SLC1A7: variants seen among roughly 807,000 people sequenced by gnomAD.
The protein encoded by SLC1A7 is excitatory amino acid transporter 5.
In SLC1A7, 40 loss-of-function variants were observed where a neutral mutation model predicts 47.7. That is an observed-to-expected ratio of 0.84 (90% CI 0.65 to 1.09). The LOEUF is 1.09. Ranked by LOEUF, SLC1A7 falls within the 50% of genes least tolerant of loss-of-function variation. The pLI is 0.00. For synonymous variants in SLC1A7, 323 were observed against 325.6 expected (o/e 0.99, Z 0.09); for missense variants, 746 against 769.5 (o/e 0.97, Z 0.36).
At chr1:53,126,895 C>T (rs1161894201) in intron 2 of SLC1A7, among the ~76,000 whole-genome samples, 1 of 151,698 alleles carries the variant, frequency 6.6e-6, no homozygotes, top group Non-Finnish European at 1.5e-5. Context: ...TAAGGTCTTG[C>T]TTTGTTGCCC....
intron 4 of SLC1A7, among the ~76,000 whole-genome samples, chr1:53,104,492 G>A (rs1304191204): frequency 2.0e-5 from 3 of 152,222 alleles, no homozygotes; most frequent in African/African-American, 7.2e-5. Flanking sequence ...CTTGAGTCCT[G>A]AAGGATGGGT....
At chr1:53,101,336 C>T (rs573452798) in intron 5 of SLC1A7, among the ~76,000 whole-genome samples, 8 of 100,512 alleles carry the variant, frequency 8.0e-5, no homozygotes, top group African/African-American at 2.9e-4. Context: ...ACACACCCCT[C>T]CTCGGTACAC....
intron 5 of SLC1A7, among the ~76,000 whole-genome samples, chr1:53,097,069 C>T (rs558704477): frequency 2.0e-5 from 3 of 150,844 alleles, no homozygotes; most frequent in Non-Finnish European, 4.4e-5. Context: ...ATCACACGCA[C>T]TGCCTCAGTA....
chr1:53,112,730 C>A (rs1644713229), intron 3 of SLC1A7, among the ~76,000 whole-genome samples: 1 of 152,196 alleles, frequency 6.6e-6, no homozygotes, highest in South Asian at 2.1e-4. Context: ...ATGGGCCAGA[C>A]ATGACCCAAC....
intron 3 of SLC1A7, among the ~76,000 whole-genome samples, chr1:53,109,875 C>T (rs1383445330): frequency 3.3e-5 from 5 of 152,152 alleles, no homozygotes; most frequent in Non-Finnish European, 7.4e-5. Flanking sequence ...AGCACAATGT[C>T]TTCACCCAGA....
chr1:53,131,865 T>C (rs1185729722), intron 2 of SLC1A7, among the ~76,000 whole-genome samples: 1 of 152,104 alleles, frequency 6.6e-6, no homozygotes, highest in Non-Finnish European at 1.5e-5. Context: ...ATATGTGCTG[T>C]GGCCGGGAGG....
chr1:53,127,355 G>A lies in SLC1A7; in HGVS notation c.215+6995C>T, dbSNP rs551613996. ...GGGAGCAGTCCTTATTCAGAAGAAA[G>A]TTCTTGATGAACTACTTGGACAGAA... On this transcript the variant is annotated intron_variant, in intron 2 of 10. Transcript: ENST00000371494. Among the ~76,000 whole-genome samples, 11 of 152,320 alleles carry A rather than the reference G, an allele frequency of 7.2e-5. No individual in the cohort carries two copies. In the South Asian group the frequency reaches 2.3e-3, roughly 32 times the overall value.
At chr1:53,117,222 T>C (rs1644771854) in intron 2 of SLC1A7, among the ~76,000 whole-genome samples, 2 of 152,182 alleles carry the variant, frequency 1.3e-5, no homozygotes. Context: ...GACACCGTGC[T>C]GTTCGATGTG....
chr1:53,094,017 C>T lies in SLC1A7; in HGVS notation c.698-457G>A, dbSNP rs138616170. On this transcript the variant is annotated intron_variant, in intron 5 of 10. Coordinates refer to ENST00000371494, the MANE Select transcript of SLC1A7 (RefSeq NM_006671.6). ...ACTGCCTCAGGGCCTTTGCGCAAGC[C>T]GTTTACACAGTGCCCCAGGCACTGG... 1.8e-3 allele frequency among the ~76,000 whole-genome samples: 278 copies of T among 152,312 alleles called. 3 individuals carry two copies. Among genetic ancestry groups the T allele is most frequent in the African/African-American group, 6.5e-3 (272 of 41,572 alleles).
intron 1 of SLC1A7, among the ~76,000 whole-genome samples, chr1:53,141,762 T>C (rs1458866343): frequency 5.4e-5 from 8 of 149,374 alleles, no homozygotes; most frequent in Non-Finnish European, 4.5e-5. Flanking sequence ...AATCACCCCC[T>C]CTCCACTCAG....
chr1:53,129,494 G>T, intron 2 of SLC1A7, among the ~76,000 whole-genome samples: 1 of 112,542 alleles, frequency 8.9e-6, no homozygotes, highest in East Asian at 2.5e-4. Flanking sequence ...AGCGTGGGCT[G>T]CACTCAGTTG....
At chr1:53,105,494 TTC>T (rs2150326470) in intron 4 of SLC1A7, among the ~76,000 whole-genome samples, 1 of 152,260 alleles carries the variant, frequency 6.6e-6, no homozygotes, top group African/African-American at 2.4e-5. Flanking sequence ...CAGTGAAGGC[TTC>T]TCTCCACCCC....
intron 3 of SLC1A7, among the ~76,000 whole-genome samples, chr1:53,107,097 A>G (rs1644650946): frequency 7.2e-6 from 1 of 139,008 alleles, no homozygotes; most frequent in South Asian, 2.6e-4. Flanking sequence ...CGGAGGTTGC[A>G]GGGAGCTGAG....
rs1557666904 is a variant in SLC1A7, at chr1:53,092,610, G to T, written c.975C>A (p.Ile325=). ...LYFFITKKNP[I]VFIRGILQAL... is the part of the protein sequence containing the mutation. ...CCTGCAGGATGCCACGGATGAAGACGATGGGATTCTTCTTGGTGATGAAGA... is the reference window on the plus strand; with the variant it reads ...CCTGCAGGATGCCACGGATGAAGACTATGGGATTCTTCTTGGTGATGAAGA... Residue 325 remains isoleucine (I), a synonymous_variant, in exon 7 of 11, where the codon ATC becomes ATA. Transcript: ENST00000371494. The T allele has an allele frequency of 1.2e-6, 2 of 1,614,194 alleles. No homozygotes were observed. The highest frequency in any genetic ancestry group is 1.7e-6 in the Non-Finnish European group (2 of 1,180,022).
chr1:53,089,141 A>G (rs1557664550), intron 9 of SLC1A7, among the ~76,000 whole-genome samples, 162 bp from the exon 10 acceptor site: 1 of 152,200 alleles, frequency 6.6e-6, no homozygotes, highest in Admixed American at 6.5e-5. Flanking sequence ...CTTTGGCATC[A>G]TTGAAGCAGC....
intron 3 of SLC1A7, chr1:53,108,699 G>C (rs1644671559): frequency 1.4e-6 from 1 of 716,782 alleles, no homozygotes; most frequent in East Asian, 2.7e-5. Context: ...TCAGATGAAA[G>C]CCAGGTGCTA....
chr1:53,108,417 C>A, intron 3 of SLC1A7: 1 of 611,930 alleles, frequency 1.6e-6, no homozygotes, highest in South Asian at 2.0e-5. Flanking sequence ...CAGCTAGTTG[C>A]CTATGCAGTC....
At chr1:53,115,287 G>A (rs1006803758) in intron 2 of SLC1A7, 14 of 417,558 alleles carry the variant, frequency 3.4e-5, no homozygotes, top group Middle Eastern at 1.3e-3. Context: ...AAGGAAATGC[G>A]TGTGCTTTAC....
chr1:53,090,087 G>A lies in SLC1A7; in HGVS notation c.1227-153C>T, dbSNP rs539035565. ...AATGCCACACCAGGGAGCTCTCGGGGTCAAGTCCCTCCTCACAGTCCTGAA... is the reference window on the plus strand; with the variant it reads ...AATGCCACACCAGGGAGCTCTCGGGATCAAGTCCCTCCTCACAGTCCTGAA... On this transcript the variant is annotated intron_variant, in intron 8 of 10. Transcript: ENST00000371494. 24 of 741,734 alleles carry A rather than the reference G, an allele frequency of 3.2e-5. No individual in the cohort carries two copies. The African/African-American group carries it at 3.6e-4, about 11-fold the overall frequency. 45.9% of individuals were successfully genotyped at this position (741,734 alleles called of 1,614,324 possible). A position where few individuals can be genotyped will look rare whatever the true frequency, so the allele number is the denominator to read the frequency against.
Sources: gnomAD v4.1 joint callset for allele counts (sites outside exome capture counted in the v4.1 genomes callset) on GRCh38, gnomAD v4.1.1 for gene constraint, MANE v1.5 for transcripts, NCBI Gene and HGNC (gene_info 2026-07-23, HGNC 2026-07-21) for gene names.